The following PIR variants were observed in gnomAD, a reference collection of about 807,000 sequenced individuals.
PIR encodes pirin (iron-binding nuclear protein).
PIR carries 22 observed loss-of-function variants against 24.2 expected under a neutral mutation model. That is an observed-to-expected ratio of 0.91 (90% CI 0.65 to 1.30). The LOEUF is 1.30. PIR is among the 50% of genes most tolerant of loss of function. The pLI, the probability that PIR is intolerant of heterozygous loss-of-function variation, is 0.00. For missense variants in PIR, 220 were observed against 220.3 expected, an observed-to-expected ratio of 1.00 and a Z score of 0.01; for synonymous variants, 80 against 79.6, an observed-to-expected ratio of 1.00 and a Z score of -0.03.
At chrX:15,471,139 T>A (rs894039390) in intron 3 of PIR, among the ~76,000 whole-genome samples, 2 of 112,014 alleles carry the variant, frequency 1.8e-5, no homozygotes, top group African/African-American at 6.5e-5. Context: ...TTCTTTGCTG[T>A]GGGAAGTGGC....
chrX:15,490,798 T>C (rs1443463240), intron 2 of PIR, among the ~76,000 whole-genome samples: 1 of 111,877 alleles, frequency 8.9e-6, no homozygotes, highest in East Asian at 2.8e-4. Flanking sequence ...GAATCAGAGT[T>C]ACTCCCTGGT....
chrX:15,415,178 TTGAG>T (rs1167436326), intron 6 of PIR, among the ~76,000 whole-genome samples: 5 of 111,609 alleles, frequency 4.5e-5, no homozygotes, highest in African/African-American at 6.5e-5. Context: ...CTAATTGATA[TTGAG>T]TAAGTTACTT....
At chrX:15,395,711 T>G (rs1425723123) in intron 8 of PIR, among the ~76,000 whole-genome samples, 1 of 112,562 alleles carries the variant, frequency 8.9e-6, no homozygotes, top group Admixed American at 9.4e-5. Flanking sequence ...CCTTCAGAAT[T>G]TCTTTTCTGC....
intron 8 of PIR, among the ~76,000 whole-genome samples, chrX:15,396,426 C>A (rs762493366): frequency 8.1e-5 from 9 of 111,552 alleles, no homozygotes; most frequent in Non-Finnish European, 1.7e-4. Context: ...GAAGTCAGTC[C>A]GACTGCCTCG....
At chrX:15,456,502 C>A (rs1042921237) in intron 4 of PIR, among the ~76,000 whole-genome samples, 1 of 112,318 alleles carries the variant, frequency 8.9e-6, no homozygotes, top group Admixed American at 9.4e-5. Flanking sequence ...TTGAGATGAA[C>A]CTTCAGAATT....
At chrX:15,450,119 G>A (rs1245423631) in intron 5 of PIR, among the ~76,000 whole-genome samples, 1 of 111,866 alleles carries the variant, frequency 8.9e-6, no homozygotes, top group East Asian at 2.8e-4. Context: ...GAAGTTTCAG[G>A]TCCATCCTTA....
chrX:15,455,011 TC>T (rs1176139551), intron 5 of PIR, among the ~76,000 whole-genome samples: 2 of 112,316 alleles, frequency 1.8e-5, no homozygotes, highest in Non-Finnish European at 3.8e-5. Flanking sequence ...CAGCCTTGCT[TC>T]ACTTCCTCCC....
intron 9 of PIR, among the ~76,000 whole-genome samples, chrX:15,387,654 G>A (rs1923818946): frequency 8.9e-6 from 1 of 111,774 alleles, no homozygotes; most frequent in Non-Finnish European, 1.9e-5. Flanking sequence ...CAACTTGGAA[G>A]ATGGGAGCAG....
At chrX:15,456,242 C>T (rs1454921898) in intron 4 of PIR, among the ~76,000 whole-genome samples, 188 bp from the exon 5 acceptor site, 1 of 112,371 alleles carries the variant, frequency 8.9e-6, no homozygotes, top group African/African-American at 3.2e-5. Flanking sequence ...GCAAATGCTT[C>T]CTGTGCTTCC....
intron 3 of PIR, among the ~76,000 whole-genome samples, chrX:15,463,222 C>T: frequency 9.0e-6 from 1 of 111,657 alleles, no homozygotes; most frequent in South Asian, 3.7e-4. Context: ...ATATAAGCCA[C>T]CTTCTCCAGT....
intron 3 of PIR, among the ~76,000 whole-genome samples, chrX:15,460,875 A>G (rs893817379): frequency 6.3e-5 from 7 of 111,551 alleles, no homozygotes; most frequent in African/African-American, 2.3e-4. Context: ...AAAAAGAAAA[A>G]GTGTTATTGG....
chrX:15,389,183 G>A (rs1234573688), intron 9 of PIR, among the ~76,000 whole-genome samples: 1 of 112,067 alleles, frequency 8.9e-6, no homozygotes, highest in Non-Finnish European at 1.9e-5. Context: ...ACCCTACTCA[G>A]TTTGTCTGAA....
intron 5 of PIR, among the ~76,000 whole-genome samples, chrX:15,428,153 T>C (rs1329994629): frequency 2.7e-5 from 3 of 111,055 alleles, no homozygotes; most frequent in Non-Finnish European, 3.8e-5. Context: ...CGTGTATATA[T>C]AAATGAAACC....
chrX:15,422,267 T>A (rs1005675530), intron 6 of PIR, among the ~76,000 whole-genome samples: 1 of 108,933 alleles, frequency 9.2e-6, no homozygotes. Flanking sequence ...AAGAAAAAGA[T>A]GCCCATTTTA....
At chrX:15,427,853 A>G (rs1020041540) in intron 5 of PIR, among the ~76,000 whole-genome samples, 1 of 108,603 alleles carries the variant, frequency 9.2e-6, no homozygotes, top group African/African-American at 3.5e-5. Flanking sequence ...ATGTGTGTGT[A>G]TGTATACATA....
intron 8 of PIR, among the ~76,000 whole-genome samples, chrX:15,396,899 T>C (rs1050366667): frequency 1.9e-4 from 21 of 111,349 alleles, no homozygotes; most frequent in East Asian, 1.1e-3. Flanking sequence ...TGCCACCATG[T>C]CCGGCTAATT....
chrX:15,403,993 C>CTTTTTTTTTT (rs151011282), intron 7 of PIR, among the ~76,000 whole-genome samples: 5 of 89,908 alleles, frequency 5.6e-5, no homozygotes, highest in Non-Finnish European at 6.7e-5. Flanking sequence ...CCAGCATTTT[C>CTTTTTTTTTT]TTTTTTTTTT....
intron 7 of PIR, among the ~76,000 whole-genome samples, chrX:15,405,287 A>C (rs1322621916): frequency 8.9e-6 from 1 of 112,257 alleles, no homozygotes; most frequent in Non-Finnish European, 1.9e-5. Context: ...AACAAACTTA[A>C]AAAAAGCCTT....
chrX:15,420,229 A>G (rs1171284892), intron 6 of PIR, among the ~76,000 whole-genome samples: 1 of 112,039 alleles, frequency 8.9e-6, no homozygotes, highest in Non-Finnish European at 1.9e-5. Context: ...CAACAACAAC[A>G]AAACATGATT....
Sources: allele counts gnomAD v4.1 joint callset (sites outside exome capture counted in the v4.1 genomes callset), GRCh38; gene constraint gnomAD v4.1.1; transcripts MANE v1.5; gene names NCBI Gene and HGNC (gene_info 2026-07-23, HGNC 2026-07-21).